The following INTS6 variants were observed in gnomAD, a reference collection of about 807,000 sequenced individuals.
INTS6 encodes DEAD box protein.
In INTS6, 16 loss-of-function variants were observed where a neutral mutation model predicts 104.9. That is an observed-to-expected ratio of 0.15 (90% confidence interval 0.10 to 0.23). The LOEUF (loss-of-function observed/expected upper bound fraction) is 0.23, where lower values mean the gene tolerates loss of function less well. INTS6 is among the 10% of genes least tolerant of loss of function. The probability of loss-of-function intolerance (pLI) is 1.00; values close to 1 mark genes in which losing one functional copy is unlikely to be tolerated. For synonymous variants in INTS6, 324 were observed against 358.7 expected (o/e 0.90, Z 1.09); for missense variants, 584 against 1,062.8 (o/e 0.55, Z 6.26).
At chr13:51,444,106 G>A (rs1952851750) in intron 3 of INTS6, 2 of 152,396 alleles carry the variant, frequency 1.3e-5, no homozygotes, top group Non-Finnish European at 2.9e-5. Context: ...GTTTTTTTGA[G>A]ACAGCCTATT....
chr13:51,409,542 T>C (rs945411012), intron 4 of INTS6, among the ~76,000 whole-genome samples: 5 of 151,988 alleles, frequency 3.3e-5, no homozygotes, highest in African/African-American at 1.2e-4. Context: ...TCTCAGAAAT[T>C]TGGCAATGTC....
At chr13:51,422,956 C>T (rs9535663) in intron 4 of INTS6, 113,482 of 744,984 alleles carry the variant, frequency 0.15, 9,602 homozygotes, top group South Asian at 0.2. Context: ...CCTTTCTTTA[C>T]GCTGTCTCAG....
chr13:51,336,429 G>A, the INTS6 span, among the ~76,000 whole-genome samples: 1 of 152,210 alleles, frequency 6.6e-6, no homozygotes, highest in African/African-American at 2.4e-5. Context: ...AGAGGTTGCA[G>A]TGAGCCGAGG....
At position 51,375,734 on chromosome 13, in the gene INTS6, G is replaced by GGTGTGTGT. The variant is rs71684515; in HGVS notation, c.1729+306_1729+313dup. On this transcript the variant is annotated intron_variant, in intron 13 of 17. Transcript: ENST00000311234. ...TTTTAAGTATACAGTTTGATAAGTG[G>GGTGTGTGT]GTGTGTGTGTGTGTGTGTGTGTGTG... is the stretch of plus-strand genomic sequence containing the variant. 4.1e-3 allele frequency among the ~76,000 whole-genome samples: 605 copies of GGTGTGTGT among 147,682 alleles called. 4 individuals are homozygous for GGTGTGTGT. Among genetic ancestry groups the GGTGTGTGT allele is most frequent in the African/African-American group, 0.014 (554 of 40,956 alleles).
At chr13:51,415,033 G>A (rs1302205372) in intron 4 of INTS6, among the ~76,000 whole-genome samples, 1 of 151,754 alleles carries the variant, frequency 6.6e-6, no homozygotes, top group African/African-American at 2.4e-5. Context: ...ATACTAAACA[G>A]ATCTGCCTAT....
chr13:51,378,485 A>T, intron 11 of INTS6, 31 bp from the exon 12 acceptor site: 2 of 1,419,166 alleles, frequency 1.4e-6, no homozygotes, highest in South Asian at 2.4e-5. Context: ...AATTATCTTG[A>T]TAAAATCTAA....
At chr13:51,367,331 C>G (rs9591404) in intron 17 of INTS6, among the ~76,000 whole-genome samples, 3,496 of 151,926 alleles carry the variant, frequency 0.023, 135 homozygotes, top group African/African-American at 0.08. Context: ...AATGTGGAAC[C>G]CAGGGATACA....
Position 51,374,198 on chromosome 13 carries a change from C to T in INTS6, c.2104+10G>A. On this transcript the variant is annotated intron_variant, in intron 15 of 17. Transcript: ENST00000311234. Reference sequence around the variant, plus strand: ...CAGCAAATAATGTTTAAGAAAAAAACAATTCTTACTTTTATGAAGAGGAAG... The same window carrying T: ...CAGCAAATAATGTTTAAGAAAAAAATAATTCTTACTTTTATGAAGAGGAAG... 1.3e-6 allele frequency: 2 copies of T among 1,596,238 alleles called. No individual in the cohort carries two copies. The highest frequency in any genetic ancestry group is 1.7e-6 in the Non-Finnish European group (2 of 1,165,538).
At chr13:51,445,442 A>G (rs540247263) in intron 3 of INTS6, 32 of 152,344 alleles carry the variant, frequency 2.1e-4, no homozygotes, top group African/African-American at 7.0e-4. Context: ...AAAAAATAGA[A>G]AACTAGAGGT....
chr13:51,359,138 T>TC (rs984038246), downstream of INTS6, among the ~76,000 whole-genome samples: 5 of 152,176 alleles, frequency 3.3e-5, no homozygotes, highest in African/African-American at 1.2e-4. Flanking sequence ...AGGGCGTATG[T>TC]CCCTCAATGG....
Position 51,414,377 on chromosome 13 carries a change from A to G in INTS6, c.429+15917T>C, listed in dbSNP as rs1333830420. Among the ~76,000 whole-genome samples the G allele has an allele frequency of 2.0e-5, 3 of 152,332 alleles. No individual in the cohort carries two copies. The East Asian group carries it at 5.8e-4, about 29-fold the overall frequency. ...TATCCTAAAAAATATACCTTGCCAG[A>G]AGCTTTTCAGAATCCTTGAAGGTTC... On this transcript the variant is annotated intron_variant, in intron 4 of 17. Transcript: ENST00000311234.
chr13:51,429,785 AAT>A lies in INTS6; in HGVS notation c.429+507_429+508del, dbSNP rs201277531. Among the ~76,000 whole-genome samples the A allele has an allele frequency of 5.7e-3, 530 of 92,334 alleles. 14 individuals are homozygous for A. The highest frequency in any genetic ancestry group is 0.015 in the Middle Eastern group (2 of 134). 60.6% of individuals were successfully genotyped at this position (92,334 alleles called of 152,430 possible). On this transcript the variant is annotated intron_variant, in intron 4 of 17. Transcript: ENST00000311234. ...TCTCAAAAAAAAAAAAAAAAAAAAA[AAT>A]ATATATATATATATATATATATGTA...
At chr13:51,419,679 GTACC>G (rs1261100801) in intron 4 of INTS6, among the ~76,000 whole-genome samples, 1 of 152,158 alleles carries the variant, frequency 6.6e-6, no homozygotes, top group Non-Finnish European at 1.5e-5. Context: ...TCATGAGCCA[GTACC>G]TAACCCTGCA....
At chr13:51,379,412 G>T in intron 11 of INTS6, 50 bp downstream of exon 11, 2 of 1,132,200 alleles carry the variant, frequency 1.8e-6, no homozygotes, top group Non-Finnish European at 2.6e-6. Flanking sequence ...AACCATCCTA[G>T]CCAAAACCAT....
chr13:51,404,101 CACAG>C lies in INTS6; in HGVS notation c.430-8622_430-8619del, dbSNP rs1411333278. ...ACACACACACACACACACACACACA[CACAG>C]AGAGAGAGAGAGAGAGAGACAACCC... On this transcript the variant is annotated intron_variant, in intron 4 of 17. Coordinates refer to ENST00000311234, the MANE Select transcript of INTS6 (RefSeq NM_012141.3). Among the ~76,000 whole-genome samples the C allele has an allele frequency of 3.2e-3, 420 of 129,926 alleles. 1 individual carries two copies. Among genetic ancestry groups the C allele is most frequent in the African/African-American group, 0.012 (364 of 29,170 alleles). The allele number at this position is 129,926 out of a possible 152,430, so 85.2% of individuals were successfully genotyped here.
chr13:51,392,101 A>G (rs960184218), intron 5 of INTS6, among the ~76,000 whole-genome samples: 21 of 152,204 alleles, frequency 1.4e-4, no homozygotes, highest in African/African-American at 4.6e-4. Context: ...AGCATAGAAC[A>G]AAGTACTACT....
At chr13:51,405,164 T>C (rs916330767) in intron 4 of INTS6, among the ~76,000 whole-genome samples, 9 of 152,034 alleles carry the variant, frequency 5.9e-5, no homozygotes, top group African/African-American at 7.2e-5. Flanking sequence ...ATCAAACACA[T>C]AGGAGACAAG....
intron 4 of INTS6, among the ~76,000 whole-genome samples, chr13:51,411,842 A>G (rs1363674214): frequency 3.3e-5 from 5 of 152,230 alleles, no homozygotes; most frequent in Non-Finnish European, 7.4e-5. Context: ...GAAATAAAAC[A>G]TAGGTCTACA....
chr13:51,423,327 G>GGT (rs149373052), intron 4 of INTS6, among the ~76,000 whole-genome samples: 20 of 150,696 alleles, frequency 1.3e-4, no homozygotes, highest in Admixed American at 2.0e-4. Flanking sequence ...TAAGGTAGGG[G>GGT]GTGTGTGTGT....
Sources: allele counts gnomAD v4.1 joint callset (sites outside exome capture counted in the v4.1 genomes callset), GRCh38; gene constraint gnomAD v4.1.1; transcripts MANE v1.5; gene names NCBI Gene and HGNC (gene_info 2026-07-23, HGNC 2026-07-21).